TMC5: variants seen among roughly 807,000 people sequenced by gnomAD.
TMC5 encodes the protein transmembrane channel like 5, also known as transmembrane channel-like protein 5.
A neutral mutation model predicts 110.5 loss-of-function variants in TMC5; 86 were observed. That is an observed-to-expected ratio of 0.78 (90% CI 0.65 to 0.93). The LOEUF is 0.93. Among genes scored for constraint, TMC5 ranks in the 40% least tolerant of loss-of-function variants. TMC5 has a pLI of 0.00. For synonymous variants in TMC5, 455 were observed against 439.5 expected (o/e 1.04, Z -0.44); for missense variants, 1,144 against 1,222.8 (o/e 0.94, Z 0.96).
In TMC5 at chr16:19,474,190, T is replaced by C. The variant is rs773732707; in HGVS notation, c.2004T>C (p.Asn668=). ...TGCCTTTCGTTGTGTCCTGCATTAATCTGGCCGTGCCATGCATCTACTCCA... is the reference window on the plus strand; with the variant it reads ...TGCCTTTCGTTGTGTCCTGCATTAACCTGGCCGTGCCATGCATCTACTCCA... ...LLLPFVVSCI[N]LAVPCIYSMF... The change falls in exon 12 of 22, where the codon AAT becomes AAC. Residue 668 remains asparagine, a synonymous_variant. Coordinates refer to ENST00000542583, the MANE Select transcript of TMC5 (RefSeq NM_001261841.2). 1 of 1,614,080 alleles carries C rather than the reference T, an allele frequency of 6.2e-7. No individual in the cohort carries two copies. Among genetic ancestry groups the C allele is most frequent in the African/African-American group, 1.3e-5 (1 of 75,028 alleles).
chr16:19,431,540 C>T (rs954681308), intron 2 of TMC5, among the ~76,000 whole-genome samples: 9 of 145,906 alleles, frequency 6.2e-5, no homozygotes, highest in African/African-American at 2.3e-4. Context: ...GACCTTCCAT[C>T]TCAGAAAAAA....
chr16:19,440,908 T>G, intron 3 of TMC5, 82 bp downstream of exon 3: 4 of 1,403,658 alleles, frequency 2.8e-6, no homozygotes, highest in Non-Finnish European at 3.9e-6. Flanking sequence ...GTTGGTGTGG[T>G]TTAGATTAGG....
chr16:19,444,947 A>G (rs1209510491), intron 4 of TMC5, among the ~76,000 whole-genome samples: 1 of 152,210 alleles, frequency 6.6e-6, no homozygotes, highest in Admixed American at 6.5e-5. Context: ...CCTGGCCAAC[A>G]TGGTGAAACC....
intron 1 of TMC5, among the ~76,000 whole-genome samples, chr16:19,411,950 A>G (rs956679874): frequency 2.0e-5 from 3 of 152,216 alleles, no homozygotes; most frequent in South Asian, 4.1e-4. Flanking sequence ...TGATCTTGAC[A>G]TGCAATCCAG....
chr16:19,464,428 A>T (rs1968105675), intron 8 of TMC5, among the ~76,000 whole-genome samples: 1 of 151,738 alleles, frequency 6.6e-6, no homozygotes, highest in Admixed American at 6.6e-5. Flanking sequence ...TGTCTCAATC[A>T]TCAATCAATC....
chr16:19,467,683 T>C (rs928470651), intron 9 of TMC5, among the ~76,000 whole-genome samples: 1 of 152,112 alleles, frequency 6.6e-6, no homozygotes, highest in Non-Finnish European at 1.5e-5. Flanking sequence ...GGTTTCACCA[T>C]GTTGGCCAGA....
intron 18 of TMC5, among the ~76,000 whole-genome samples, chr16:19,490,888 T>C (rs1352013146): frequency 7.8e-6 from 1 of 128,278 alleles, no homozygotes; most frequent in Non-Finnish European, 1.7e-5. Flanking sequence ...CTTCCTTCCT[T>C]CTTTCTCCCT....
At position 19,496,373 on chromosome 16, in the gene TMC5, TCCA is replaced by T. The variant is rs749814735; in HGVS notation, c.2932-745_2932-743del. Among the ~76,000 whole-genome samples, 27 of 152,154 alleles carry T rather than the reference TCCA, an allele frequency of 1.8e-4. No individual in the cohort carries two copies. The East Asian group carries it at 4.6e-3, about 26-fold the overall frequency. On this transcript the variant is annotated intron_variant, in intron 20 of 21. Coordinates refer to ENST00000542583, the MANE Select transcript of TMC5 (RefSeq NM_001261841.2). ...CCTGAAAATACAGATGAACAGTAAA[TCCA>T]CCTTAACGCAAATACCACTTATGTT...
intron 9 of TMC5, 109 bp from the exon 10 acceptor site, chr16:19,469,572 C>T (rs1968273223): frequency 7.3e-7 from 1 of 1,374,998 alleles, no homozygotes; most frequent in Admixed American, 1.8e-5. Context: ...GGGGCTAAGT[C>T]TTCACGTTGC....
intron 1 of TMC5, among the ~76,000 whole-genome samples, chr16:19,418,481 C>T (rs184133316): frequency 1.6e-3 from 247 of 152,270 alleles, no homozygotes; most frequent in African/African-American, 5.5e-3. Flanking sequence ...GCACGACAAA[C>T]ACGCAATAAA....
intron 1 of TMC5, among the ~76,000 whole-genome samples, chr16:19,424,810 T>C (rs9888971): frequency 0.79 from 119,991 of 152,112 alleles, 47,582 homozygotes; most frequent in South Asian, 0.9. Context: ...AGATCTCCAA[T>C]CTCTTCATTG....
chr16:19,456,584 G>T, intron 5 of TMC5: 1 of 1,473,720 alleles, frequency 6.8e-7, no homozygotes, highest in East Asian at 2.4e-5. Context: ...AATGTGAATG[G>T]TGTATCCCTT....
At chr16:19,445,212 G>A (rs114715730) in intron 4 of TMC5, among the ~76,000 whole-genome samples, 1 of 151,510 alleles carries the variant, frequency 6.6e-6, no homozygotes, top group African/African-American at 2.4e-5. Context: ...AATTTGTTGT[G>A]TGTATAGATA....
At chr16:19,427,992 C>T (rs535859839) in intron 1 of TMC5, among the ~76,000 whole-genome samples, 6 of 152,112 alleles carry the variant, frequency 3.9e-5, no homozygotes, top group African/African-American at 1.2e-4. Context: ...CTTCACCCAC[C>T]TTGGGGACTG....
chr16:19,485,112 C>CTT (rs35687638), intron 15 of TMC5, among the ~76,000 whole-genome samples: 13 of 127,296 alleles, frequency 1.0e-4, no homozygotes, highest in East Asian at 8.9e-4. Context: ...TATTATTTGC[C>CTT]TTTTTTTTTT....
chr16:19,474,472 G>C (rs1968437093), intron 12 of TMC5, among the ~76,000 whole-genome samples, 196 bp downstream of exon 12: 2 of 152,054 alleles, frequency 1.3e-5, no homozygotes, highest in South Asian at 4.2e-4. Flanking sequence ...AGGATCACTT[G>C]AGACCAGGAG....
Position 19,481,413 on chromosome 16 carries a change from T to G in TMC5, c.2311T>G (p.Phe771Val). 1 of 1,614,114 alleles carries G rather than the reference T, an allele frequency of 6.2e-7. No individual in the cohort carries two copies. Among genetic ancestry groups the G allele is most frequent in the Non-Finnish European group, 8.5e-7 (1 of 1,179,996 alleles). Reference protein sequence around the residue: ...QLITSLGLQEFDIARNVLELI... With the variant: ...QLITSLGLQEVDIARNVLELI... Reference sequence around the variant, plus strand: ...GATCACAAGTCTTGGCCTTCAGGAGTTTGACATTGCCAGGAACGTTCTAGA... The same window carrying G: ...GATCACAAGTCTTGGCCTTCAGGAGGTTGACATTGCCAGGAACGTTCTAGA... Residue 771 changes from phenylalanine to valine, a missense_variant, in exon 15 of 22, where the codon TTT (phenylalanine) becomes GTT (valine). Coordinates refer to ENST00000542583, the MANE Select transcript of TMC5 (RefSeq NM_001261841.2).
intron 1 of TMC5, among the ~76,000 whole-genome samples, chr16:19,423,104 T>TTCTCCC (rs1967020992): frequency 6.6e-6 from 1 of 152,212 alleles, no homozygotes; most frequent in Non-Finnish European, 1.5e-5. Flanking sequence ...CCCCTTCTCC[T>TTCTCCC]TTCTCTTCCT....
chr16:19,478,410 C>T (rs999906523), intron 13 of TMC5, among the ~76,000 whole-genome samples: 23 of 152,202 alleles, frequency 1.5e-4, no homozygotes, highest in African/African-American at 5.5e-4. Flanking sequence ...AAAATCAGCC[C>T]TCCAAGTTAG....
Sources: allele counts gnomAD v4.1 joint callset (sites outside exome capture counted in the v4.1 genomes callset), GRCh38; gene constraint gnomAD v4.1.1; transcripts MANE v1.5; gene names NCBI Gene and HGNC (gene_info 2026-07-23, HGNC 2026-07-21).